Variants in NBPF3 observed in about 807,000 individuals in gnomAD.
NBPF3 encodes NBPF family member NBPF3.
In NBPF3, 57 loss-of-function variants were observed where a neutral mutation model predicts 78.1. That is an observed-to-expected ratio of 0.73 (90% CI 0.59 to 0.91). NBPF3 has a LOEUF of 0.91. Among genes scored for constraint, NBPF3 ranks in the 40% least tolerant of loss-of-function variants. NBPF3 has a pLI of 0.00. For synonymous variants in NBPF3, 182 were observed against 271.7 expected (o/e 0.67, Z 3.25); for missense variants, 510 against 715.3 (o/e 0.71, Z 3.27).
chr1:21,439,326 T>C (rs1640503001), upstream of NBPF3, among the ~76,000 whole-genome samples: 1 of 151,962 alleles, frequency 6.6e-6, no homozygotes, highest in Admixed American at 6.6e-5. Flanking sequence ...CCGTCTCTAC[T>C]AAAAATACAA....
chr1:21,455,967 C>G (rs1230637757), intron 2 of NBPF3, among the ~76,000 whole-genome samples: 1 of 152,120 alleles, frequency 6.6e-6, no homozygotes, highest in Non-Finnish European at 1.5e-5. Context: ...AACTGAGACA[C>G]TAGAATGGAT....
chr1:21,450,157 G>GC lies in NBPF3; in HGVS notation c.133+4938_133+4939insC, dbSNP rs35384882. On this transcript the variant is annotated intron_variant, in intron 2 of 14. Coordinates refer to ENST00000318249, the MANE Select transcript of NBPF3 (RefSeq NM_032264.6). ...TAAAATTCAGAAATGGGCTGGCTGT[G>GC]TTTTTTTTCTAGAGCTCAAGCTATT... is the stretch of plus-strand genomic sequence containing the variant. 2.6e-4 allele frequency among the ~76,000 whole-genome samples: 39 copies of GC among 151,872 alleles called. No homozygotes were observed. The East Asian group carries it at 3.7e-3, about 14-fold the overall frequency.
chr1:21,478,672 T>A (rs1222608499), intron 9 of NBPF3, among the ~76,000 whole-genome samples: 1 of 152,246 alleles, frequency 6.6e-6, no homozygotes, highest in Non-Finnish European at 1.5e-5. Flanking sequence ...AAGTTCTTTA[T>A]GAGTTTTGTT....
rs2316509 is a variant in NBPF3 at position 21,460,525 on chromosome 1, A to G, written c.134-8163A>G. Among the ~76,000 whole-genome samples, 101,890 of 152,042 alleles carry G rather than the reference A, an allele frequency of 0.67. 35,339 individuals carry two copies. The highest frequency in any genetic ancestry group is 0.87 in the South Asian group (4,212 of 4,828). ...ACAAAGACACCAATGCTCTTCATTGAGGAAATGGAAGACTTTTAAGTAAAA... is the reference window on the plus strand; with the variant it reads ...ACAAAGACACCAATGCTCTTCATTGGGGAAATGGAAGACTTTTAAGTAAAA... On this transcript the variant is annotated intron_variant, in intron 2 of 14. Transcript: ENST00000318249. The surrounding 1 kb of genome is among the most constrained non-coding windows in gnomAD (Gnocchi z 4.2).
At chr1:21,465,662 G>A (rs1373486992) in intron 2 of NBPF3, among the ~76,000 whole-genome samples, 5 of 152,180 alleles carry the variant, frequency 3.3e-5, no homozygotes, top group South Asian at 2.1e-4. Context: ...CTCCAACTTC[G>A]GAAGAGTGGA....
intron 2 of NBPF3, among the ~76,000 whole-genome samples, chr1:21,452,146 T>C (rs1242316363): frequency 1.3e-5 from 2 of 152,248 alleles, no homozygotes; most frequent in Admixed American, 1.3e-4. Flanking sequence ...CTTAAGGTTT[T>C]ATTGCAAAGT....
chr1:21,459,047 G>A (rs4430298), intron 2 of NBPF3, among the ~76,000 whole-genome samples: 124,573 of 152,164 alleles, frequency 0.82, 53,703 homozygotes, highest in South Asian at 0.96. Flanking sequence ...GCAATGAAGC[G>A]GGTACAAGGC....
upstream of NBPF3, chr1:21,437,257 G>A: frequency 2.8e-6 from 1 of 353,912 alleles, no homozygotes; most frequent in Non-Finnish European, 5.2e-6. Flanking sequence ...GGAGCCCTCG[G>A]GGTGGTGTCA....
At chr1:21,478,017 G>C (rs1426727089) in intron 8 of NBPF3, 127 bp from the exon 9 acceptor site, 2 of 1,596,052 alleles carry the variant, frequency 1.3e-6, no homozygotes, top group Non-Finnish European at 1.7e-6. Flanking sequence ...TATTTCTCTT[G>C]AAGGAAAAAT....
chr1:21,442,239 G>A (rs1640696338), intron 1 of NBPF3: 1 of 151,940 alleles, frequency 6.6e-6, no homozygotes, highest in South Asian at 2.1e-4. Flanking sequence ...TTTTGAAACA[G>A]GATCTCACTC....
At chr1:21,454,622 T>C (rs1387714324) in intron 2 of NBPF3, among the ~76,000 whole-genome samples, 2 of 152,238 alleles carry the variant, frequency 1.3e-5, no homozygotes, top group Non-Finnish European at 2.9e-5. Context: ...TACCAATATT[T>C]GTGTGTAGCT....
chr1:21,448,212 C>A (rs553977658), intron 2 of NBPF3, among the ~76,000 whole-genome samples: 2 of 152,240 alleles, frequency 1.3e-5, no homozygotes, highest in Admixed American at 1.3e-4. Context: ...TCATCCAACC[C>A]AAGATCCCCA....
chr1:21,470,559 C>G, intron 3 of NBPF3, 73 bp from the exon 4 acceptor site: 1 of 1,243,042 alleles, frequency 8.0e-7, no homozygotes, highest in Non-Finnish European at 1.2e-6. Context: ...GGACCTGGCT[C>G]CTGCCCTGTA....
At chr1:21,437,806 C>T (rs568960700), upstream of NBPF3, among the ~76,000 whole-genome samples, 4 of 145,488 alleles carry the variant, frequency 2.7e-5, no homozygotes, top group South Asian at 9.3e-4. Flanking sequence ...AGGCGTCCGC[C>T]ACCTTGCCTG....
At position 21,447,304 on chromosome 1, in the gene NBPF3, T is replaced by C. The variant is rs544111208; in HGVS notation, c.133+2085T>C. Among the ~76,000 whole-genome samples, 6 of 152,364 alleles carry C rather than the reference T, an allele frequency of 3.9e-5. No individual in the cohort carries two copies. The East Asian group carries it at 1.2e-3, about 29-fold the overall frequency. ...ATAGTTTACATTAGAGTTCATTCTT[T>C]GAGTTTCACAGATTATGGGTTTTGG... On this transcript the variant is annotated intron_variant, in intron 2 of 14. Transcript: ENST00000318249.
intron 2 of NBPF3, among the ~76,000 whole-genome samples, chr1:21,452,150 G>A (rs1477262608): frequency 1.3e-5 from 2 of 152,080 alleles, no homozygotes; most frequent in East Asian, 3.8e-4. Context: ...AGGTTTTATT[G>A]CAAAGTGTTG....
intron 1 of NBPF3, chr1:21,442,091 G>T (rs1193961302): frequency 6.6e-6 from 1 of 152,072 alleles, no homozygotes; most frequent in Non-Finnish European, 1.5e-5. Context: ...TTTTCCTGTT[G>T]ATTTGTAATA....
intron 3 of NBPF3, among the ~76,000 whole-genome samples, chr1:21,470,262 A>G (rs111430326): frequency 0.057 from 8,707 of 152,286 alleles, 304 homozygotes; most frequent in African/African-American, 0.097. Context: ...GGGCCTTCCC[A>G]ACTGTACAAG....
At chr1:21,479,790 CTA>C (rs1428732968) in intron 10 of NBPF3, among the ~76,000 whole-genome samples, 10 of 113,808 alleles carry the variant, frequency 8.8e-5, no homozygotes, top group African/African-American at 2.8e-4. Flanking sequence ...ACTGAGCTCA[CTA>C]TCTCTCTCTC....
Sources: allele counts gnomAD v4.1 joint callset (sites outside exome capture counted in the v4.1 genomes callset), GRCh38; gene constraint gnomAD v4.1.1; non-coding constraint Gnocchi (gnomAD v3.1); transcripts MANE v1.5; gene names NCBI Gene and HGNC (gene_info 2026-07-23, HGNC 2026-07-21).